Variants in PLXDC1 observed in about 807,000 individuals in gnomAD.
The protein encoded by PLXDC1 is plexin domain-containing protein 1.
A neutral mutation model predicts 61.3 loss-of-function variants in PLXDC1; 39 were observed. That is an observed-to-expected ratio of 0.64 (90% CI 0.49 to 0.83). The LOEUF is 0.83. Among genes scored for constraint, PLXDC1 ranks in the 40% least tolerant of loss-of-function variants. The probability of loss-of-function intolerance (pLI) is 0.00; values close to 1 mark genes in which losing one functional copy is unlikely to be tolerated. For synonymous variants in PLXDC1, 212 were observed against 254.5 expected (o/e 0.83, Z 1.59); for missense variants, 596 against 666.5 (o/e 0.89, Z 1.17).
chr17:39,102,682 C>T (rs1207216998), intron 7 of PLXDC1, among the ~76,000 whole-genome samples: 1 of 150,470 alleles, frequency 6.6e-6, no homozygotes, highest in Non-Finnish European at 1.5e-5. Flanking sequence ...AGTGCAGAAA[C>T]ACTGACATCG....
At chr17:39,096,780 T>A in intron 7 of PLXDC1, 1 of 385,230 alleles carries the variant, frequency 2.6e-6, no homozygotes, top group South Asian at 1.9e-5. Context: ...CTAAAGTTGC[T>A]TTTATACTAA....
intron 9 of PLXDC1, chr17:39,080,435 G>C (rs1909512425): frequency 6.6e-6 from 1 of 152,226 alleles, no homozygotes; most frequent in Non-Finnish European, 1.5e-5. Context: ...GGGCAGGCAG[G>C]CATCTGCCGT....
Position 39,079,128 on chromosome 17 carries a change from C to G in PLXDC1, c.1026G>C (p.Trp342Cys). Residue 342 changes from tryptophan (W) to cysteine (C), a missense_variant, in exon 10 of 14, where the codon TGG (tryptophan) becomes TGC (cysteine). Trp to Cys is a radical substitution (Grantham distance 215, BLOSUM62 -2). Coordinates refer to ENST00000315392, the MANE Select transcript of PLXDC1 (RefSeq NM_020405.5). ...SSGFDRYRQE[W>C]MDYGCAQEAE... ...CCTCCTGTGCACAGCCATAGTCCAT[C>G]CACTCCTGGCGATAGCGGTCAAAGC... 6.2e-7 allele frequency: 1 copy of G among 1,613,942 alleles called. No homozygotes were observed. Among genetic ancestry groups the G allele is most frequent in the Non-Finnish European group, 8.5e-7 (1 of 1,179,864 alleles).
intron 7 of PLXDC1, among the ~76,000 whole-genome samples, chr17:39,097,675 A>T (rs2143582983): frequency 6.6e-6 from 1 of 151,922 alleles, no homozygotes; most frequent in South Asian, 2.1e-4. Context: ...TGAGCGTAAG[A>T]ATTCAATACC....
Position 39,063,690 on chromosome 17 carries a change from G to C in PLXDC1, c.*4150C>G. On this transcript the variant is annotated 3_prime_UTR_variant, in exon 14 of 14. Transcript: ENST00000315392. ...TTTACACTAAACACATGAATACATT[G>C]TGTTTTAGAAGGCTGGGTGCCCTCA... 1.8e-6 allele frequency: 1 copy of C among 542,014 alleles called. No homozygotes were observed. Among genetic ancestry groups the C allele is most frequent in the South Asian group, 2.5e-5 (1 of 40,138 alleles). The allele number at this position is 542,014 out of a possible 1,614,324, so 33.6% of individuals were successfully genotyped here. A position where few individuals can be genotyped will look rare whatever the true frequency, so the allele number is the denominator to read the frequency against.
At chr17:39,117,201 A>G (rs772371117) in intron 2 of PLXDC1, among the ~76,000 whole-genome samples, 1 of 152,196 alleles carries the variant, frequency 6.6e-6, no homozygotes, top group Non-Finnish European at 1.5e-5. Flanking sequence ...TGGAAGCAAG[A>G]CAGGCACAGC....
rs1463195532 is a variant in PLXDC1 at position 39,108,114 on chromosome 17, C to T, written c.592+9G>A. 4 of 1,614,032 alleles carry T rather than the reference C, an allele frequency of 2.5e-6. No individual in the cohort carries two copies. Among genetic ancestry groups the T allele is most frequent in the Non-Finnish European group, 3.4e-6 (4 of 1,180,026 alleles). ...GCTGGGTGACTTAAATTCTGAGATC[C>T]AGTCTCACCATTGTCAAAGTAAACA... is the stretch of plus-strand genomic sequence containing the variant. On this transcript the variant is annotated intron_variant, in intron 5 of 13. Coordinates refer to ENST00000315392, the MANE Select transcript of PLXDC1 (RefSeq NM_020405.5).
chr17:39,079,167 G>T lies in PLXDC1; in HGVS notation c.990-3C>A. ...AGCGGTCAAAGCCACTGGAGCATCT[G>T]CAGGAGGACCAAAAGGACAGAGTTA... On this transcript the variant is annotated splice_polypyrimidine_tract_variant and splice_region_variant and intron_variant, in intron 9 of 13. Transcript: ENST00000315392. 2 of 1,612,880 alleles carry T rather than the reference G, an allele frequency of 1.2e-6. No individual in the cohort carries two copies. Among genetic ancestry groups the T allele is most frequent in the South Asian group, 1.1e-5 (1 of 91,058 alleles).
chr17:39,107,346 A>G, intron 6 of PLXDC1, 61 bp downstream of exon 6: 1 of 998,710 alleles, frequency 1.0e-6, no homozygotes, highest in Non-Finnish European at 1.5e-6. Flanking sequence ...AATTCTCTAA[A>G]TATTTGCTGA....
chr17:39,132,019 C>T (rs1005587616), intron 2 of PLXDC1: 1 of 152,536 alleles, frequency 6.6e-6, no homozygotes, highest in African/African-American at 2.4e-5. Context: ...GATGTACAAG[C>T]CAGGAGGTTT....
chr17:39,141,377 A>G (rs8064973), intron 1 of PLXDC1, among the ~76,000 whole-genome samples: 17,572 of 152,188 alleles, frequency 0.12, 2,074 homozygotes, highest in African/African-American at 0.3. Flanking sequence ...TATAAATGGC[A>G]TCATACTATA....
chr17:39,136,528 C>A (rs762332331), intron 2 of PLXDC1, among the ~76,000 whole-genome samples: 21 of 152,008 alleles, frequency 1.4e-4, no homozygotes, highest in Non-Finnish European at 2.2e-4. Flanking sequence ...GGATTACAGG[C>A]GTGAGCCACC....
intron 2 of PLXDC1, among the ~76,000 whole-genome samples, chr17:39,128,097 G>GTATATATATATATATATATA (rs1419922925): frequency 0.13 from 8,885 of 67,242 alleles, 1,340 homozygotes; most frequent in Non-Finnish European, 0.17. Context: ...CTCTCTATGT[G>GTATATATATATATATATATA]TATATATATA....
chr17:39,152,790 G>T, upstream of PLXDC1: 1 of 774,092 alleles, frequency 1.3e-6, no homozygotes, highest in Non-Finnish European at 1.7e-6. Flanking sequence ...AAAAAGAAAA[G>T]AAAAGAAAAA....
rs771586906 is a variant in PLXDC1, at chr17:39,067,883, G to A, written c.1460C>T (p.Ser487Leu). 9.0e-5 allele frequency: 145 copies of A among 1,613,924 alleles called. 2 individuals carry two copies. In the South Asian group the frequency reaches 1.2e-3, roughly 13 times the overall value. ...DHSTYAEVEPSGHEKEGFMEA... is the reference protein window; with the variant it reads ...DHSTYAEVEPLGHEKEGFMEA... ...CATGAAGCCCTCCTTCTCATGGCCC[G>A]AGGGCTCCACCTCCGCATAGGTGGA... The change falls in exon 14 of 14, where the codon TCG (serine) becomes TTG (leucine). Residue 487 changes from serine to leucine, a missense_variant. Ser to Leu is a moderately radical substitution (Grantham distance 145). Transcript: ENST00000315392.
chr17:39,067,792 C>T lies in PLXDC1; in HGVS notation c.*48G>A. The T allele has an allele frequency of 6.4e-7, 1 of 1,565,710 alleles. No individual in the cohort carries two copies. Among genetic ancestry groups the T allele is most frequent in the Non-Finnish European group, 8.7e-7 (1 of 1,146,638 alleles). ...AAGTCACTTCTCTTCTTTGCTTTAA[C>T]TGTCTTTTCTGTGGCCTCAAAGTCT... is the stretch of plus-strand genomic sequence containing the variant. On this transcript the variant is annotated 3_prime_UTR_variant, in exon 14 of 14. Transcript: ENST00000315392.
chr17:39,089,500 GC>G (rs966518913), intron 7 of PLXDC1, among the ~76,000 whole-genome samples: 1 of 152,202 alleles, frequency 6.6e-6, no homozygotes, highest in African/African-American at 2.4e-5. Flanking sequence ...TCCAGGACCT[GC>G]CCCACTATTC....
chr17:39,128,305 C>T (rs73302882), intron 2 of PLXDC1, among the ~76,000 whole-genome samples: 52,778 of 150,136 alleles, frequency 0.35, 9,642 homozygotes, highest in African/African-American at 0.45. Context: ...GCAACCTCCA[C>T]CTCCTGGGTT....
chr17:39,128,088 TC>T (rs2047031683), intron 2 of PLXDC1, among the ~76,000 whole-genome samples: 1 of 104,674 alleles, frequency 9.6e-6, no homozygotes, highest in Non-Finnish European at 1.9e-5. Context: ...TCTCTCTCTC[TC>T]TCTATGTGTA....
Sources: allele counts gnomAD v4.1 joint callset (sites outside exome capture counted in the v4.1 genomes callset), GRCh38; gene constraint gnomAD v4.1.1; transcripts MANE v1.5; gene names NCBI Gene and HGNC (gene_info 2026-07-23, HGNC 2026-07-21).